Variants in ZNF398 observed in about 807,000 individuals in gnomAD.
The protein encoded by ZNF398 is zinc finger protein 398.
ZNF398 carries 18 observed loss-of-function variants against 41.9 expected under a neutral mutation model. The observed-to-expected ratio is 0.43, with a 90% CI of 0.30 to 0.64. The LOEUF is 0.64. Among genes scored for constraint, ZNF398 ranks in the 30% least tolerant of loss-of-function variants. The pLI is 0.14. For missense variants in ZNF398, 669 were observed against 822.8 expected, an observed-to-expected ratio of 0.81 and a Z score of 2.29; for synonymous variants, 260 against 308.8, an observed-to-expected ratio of 0.84 and a Z score of 1.66.
chr7:149,163,537 G>T (rs191638028), intron 2 of ZNF398, among the ~76,000 whole-genome samples: 28 of 152,156 alleles, frequency 1.8e-4, no homozygotes, highest in Middle Eastern at 3.4e-3. Context: ...CACGCCCCTG[G>T]CTAATTTTGT....
At chr7:149,152,791 C>T (rs925838341) in intron 1 of ZNF398, among the ~76,000 whole-genome samples, 1 of 151,770 alleles carries the variant, frequency 6.6e-6, no homozygotes, top group African/African-American at 2.4e-5. Context: ...TCTCGAACTC[C>T]CGACCTCAGG....
In ZNF398 at chr7:149,181,528, T is replaced by A. The variant is rs3801980; in HGVS notation, c.*1727T>A. 0.67 allele frequency: 101,681 copies of A among 152,106 alleles called. 35,370 individuals are homozygous for A. Among genetic ancestry groups the A allele is most frequent in the East Asian group, 0.95 (4,922 of 5,184 alleles). 9.4% of individuals were successfully genotyped at this position (152,106 alleles called of 1,614,324 possible). ...ATTTTTTTGCTCATCACCTAGCCCATCCTTCACTCTCTCTAGTTATGCATA... is the reference window on the plus strand; with the variant it reads ...ATTTTTTTGCTCATCACCTAGCCCAACCTTCACTCTCTCTAGTTATGCATA... On this transcript the variant is annotated 3_prime_UTR_variant, in exon 6 of 6. Transcript: ENST00000475153.
chr7:149,152,192 C>T (rs1026184132), intron 1 of ZNF398, among the ~76,000 whole-genome samples: 1 of 151,080 alleles, frequency 6.6e-6, no homozygotes, highest in Non-Finnish European at 1.5e-5. Context: ...CCAGCCTGGG[C>T]GACAGAGCGA....
At chr7:149,152,746 G>C (rs1794878049) in intron 1 of ZNF398, among the ~76,000 whole-genome samples, 1 of 151,764 alleles carries the variant, frequency 6.6e-6, no homozygotes, top group Admixed American at 6.6e-5. Flanking sequence ...TGTATCTTTA[G>C]TAGAGATGGG....
chr7:149,156,263 T>A (rs1489721603), intron 2 of ZNF398, among the ~76,000 whole-genome samples: 1 of 151,270 alleles, frequency 6.6e-6, no homozygotes, highest in Non-Finnish European at 1.5e-5. Flanking sequence ...TCCCACCACT[T>A]TGGGAGGTTG....
intron 5 of ZNF398, 31 bp downstream of exon 5, chr7:149,176,612 C>A: frequency 1.4e-6 from 2 of 1,427,008 alleles, no homozygotes; most frequent in Admixed American, 2.0e-5. Flanking sequence ...GTGTTCATGT[C>A]CATATCCAGC....
upstream of ZNF398, among the ~76,000 whole-genome samples, chr7:149,144,098 G>C (rs1826883780): frequency 6.6e-6 from 1 of 152,172 alleles, no homozygotes. Flanking sequence ...GAATTAAATA[G>C]GAAGAATTTC....
Position 149,147,848 on chromosome 7 carries a change from A to G in ZNF398, c.24+82A>G. 1 of 1,299,818 alleles carries G rather than the reference A, an allele frequency of 7.7e-7. No individual in the cohort carries two copies. The highest frequency in any genetic ancestry group is 9.8e-7 in the Non-Finnish European group (1 of 1,016,616). 80.5% of individuals were successfully genotyped at this position (1,299,818 alleles called of 1,614,324 possible). ...GAAGGCGGGCGGGCAGGGAGCTGCC[A>G]GGCATAGGCGCCGTTCTCGGGTCCC... On this transcript the variant is annotated intron_variant, in intron 1 of 5. Transcript: ENST00000475153. The surrounding 1 kb of genome is among the most constrained non-coding windows in gnomAD (Gnocchi z 5.6).
chr7:149,167,607 A>C (rs1486835930), intron 4 of ZNF398, among the ~76,000 whole-genome samples: 2 of 150,472 alleles, frequency 1.3e-5, no homozygotes, highest in Admixed American at 1.3e-4. Flanking sequence ...CCGCTATCCC[A>C]TATAGTTATT....
At chr7:149,166,689 G>A (rs911079081) in intron 3 of ZNF398, 128 bp from the exon 4 acceptor site, 33 of 627,768 alleles carry the variant, frequency 5.3e-5, no homozygotes, top group Non-Finnish European at 8.4e-5. Flanking sequence ...ATGGGAAGAA[G>A]TGATATGAAA....
intron 1 of ZNF398, among the ~76,000 whole-genome samples, chr7:149,153,287 T>C (rs1046832735): frequency 6.6e-6 from 1 of 152,142 alleles, no homozygotes; most frequent in African/African-American, 2.4e-5. Context: ...GGCAACATAA[T>C]GAGACACCAA....
At chr7:149,135,234 C>CA (rs1046363274) in intron 2 of ZNF398, among the ~76,000 whole-genome samples, 4 of 150,142 alleles carry the variant, frequency 2.7e-5, no homozygotes, top group Admixed American at 1.3e-4. Context: ...CTAAAAATAC[C>CA]AAAAAAATAG....
chr7:149,144,885 G>C (rs888685031), upstream of ZNF398, among the ~76,000 whole-genome samples: 4 of 151,884 alleles, frequency 2.6e-5, no homozygotes, highest in Admixed American at 2.6e-4. Flanking sequence ...CACCGTGCCC[G>C]GCTTCTCGGC....
chr7:149,165,489 T>C (rs1209120223), intron 2 of ZNF398, among the ~76,000 whole-genome samples: 1 of 152,068 alleles, frequency 6.6e-6, no homozygotes, highest in Non-Finnish European at 1.5e-5. Context: ...TGGAGGCAGG[T>C]AGAGAAGAAA....
chr7:149,162,255 C>T (rs919264182), intron 2 of ZNF398, among the ~76,000 whole-genome samples: 5 of 152,178 alleles, frequency 3.3e-5, no homozygotes, highest in African/African-American at 4.8e-5. Flanking sequence ...AGTCTCGGCT[C>T]ACTGTAACCT....
rs758144356 is a variant in ZNF398, at chr7:149,166,196, C to T, written c.459C>T (p.Ser153=). The change falls in exon 3 of 6, where the codon TCC becomes TCT. Residue 153 remains serine, a synonymous_variant. Transcript: ENST00000475153. ...TTGATGATGTCTCCATCTACTTTTC[C>T]ACTCCAGAGTGGGAAAAATTAGAAG... ...VAFDDVSIYF[S]TPEWEKLEEW... is the part of the protein sequence containing the mutation. 3.1e-5 allele frequency: 50 copies of T among 1,613,870 alleles called. No homozygotes were observed. In the Middle Eastern group the frequency reaches 4.9e-4, roughly 16 times the overall value.
chr7:149,131,321 A>G (rs907172203), intron 2 of ZNF398, among the ~76,000 whole-genome samples: 2 of 152,126 alleles, frequency 1.3e-5, no homozygotes, highest in Admixed American at 6.6e-5. Context: ...CCATTTTTCA[A>G]TTGCATTTTT....
chr7:149,138,889 A>G (rs528337434), intron 2 of ZNF398, among the ~76,000 whole-genome samples: 115 of 151,274 alleles, frequency 7.6e-4, no homozygotes, highest in African/African-American at 2.5e-3. Flanking sequence ...AGCTGGGACT[A>G]CAGGTGCATG....
At chr7:149,158,598 G>A (rs770078574) in intron 2 of ZNF398, among the ~76,000 whole-genome samples, 8 of 152,066 alleles carry the variant, frequency 5.3e-5, no homozygotes, top group Non-Finnish European at 8.8e-5. Context: ...ACTTTGGGAG[G>A]CCTAGGCAGG....
Sources: allele counts gnomAD v4.1 joint callset (sites outside exome capture counted in the v4.1 genomes callset), GRCh38; gene constraint gnomAD v4.1.1; non-coding constraint Gnocchi (gnomAD v3.1); transcripts MANE v1.5; gene names NCBI Gene and HGNC (gene_info 2026-07-23, HGNC 2026-07-21).